The following MYRFL variants were observed in gnomAD, a reference collection of about 807,000 sequenced individuals.
MYRFL encodes myelin regulatory factor like, also known as myelin regulatory factor-like protein.
A neutral mutation model predicts 109.4 loss-of-function variants in MYRFL; 88 were observed. That is an observed-to-expected ratio of 0.80 (90% CI 0.68 to 0.96). The LOEUF is 0.96. MYRFL is among the 40% of genes least tolerant of loss of function. MYRFL has a pLI of 0.00. For synonymous variants in MYRFL, 324 were observed against 320.9 expected, an observed-to-expected ratio of 1.01 and a Z score of -0.10; for missense variants, 957 against 954.9, an observed-to-expected ratio of 1.00 and a Z score of -0.03.
chr12:69,852,579 A>ATTTTTTTTTTTTTTTTTT (rs61145700), intron 1 of MYRFL, among the ~76,000 whole-genome samples: 11 of 112,206 alleles, frequency 9.8e-5, no homozygotes, highest in Non-Finnish European at 1.4e-4. Flanking sequence ...TTAATTTTTA[A>ATTTTTTTTTTTTTTTTTT]TTTTTTTTTT....
Position 69,876,449 on chromosome 12 carries a change from G to A in MYRFL, c.138-2579G>A, listed in dbSNP as rs997144887. ...TCTGTGGGAGGGTCAGATTTGGTAG[G>A]AGTTTAATCATCATATAAGAAGGGG... On this transcript the variant is annotated intron_variant, in intron 2 of 24. Coordinates refer to ENST00000552032, the MANE Select transcript of MYRFL (RefSeq NM_182530.3). Among the ~76,000 whole-genome samples, 3 of 151,762 alleles carry A rather than the reference G, an allele frequency of 2.0e-5. No homozygotes were observed. In the South Asian group the frequency reaches 6.3e-4, roughly 32 times the overall value.
At chr12:69,940,170 G>A (rs1566042376) in intron 19 of MYRFL, among the ~76,000 whole-genome samples, 1 of 152,098 alleles carries the variant, frequency 6.6e-6, no homozygotes, top group Non-Finnish European at 1.5e-5. Flanking sequence ...TAGCAAGGCA[G>A]GCCAACGTTC....
chr12:69,948,977 C>G (rs1955906220), intron 19 of MYRFL, among the ~76,000 whole-genome samples: 1 of 152,140 alleles, frequency 6.6e-6, no homozygotes, highest in Admixed American at 6.5e-5. Context: ...TACTCTTTCC[C>G]TGGCTCTCTT....
Position 69,945,759 on chromosome 12 carries a change from G to A in MYRFL, c.2225-6354G>A, listed in dbSNP as rs911635121. 5.9e-5 allele frequency among the ~76,000 whole-genome samples: 9 copies of A among 151,608 alleles called. No individual in the cohort carries two copies. The East Asian group carries it at 7.8e-4, about 13-fold the overall frequency. The stretch of plus-strand genomic sequence containing the variant: ...TCCCAGCACTTTGGGAGGCCGAGGC[G>A]GGCGGATCACGAGGTCAGGAGATCG... On this transcript the variant is annotated intron_variant, in intron 19 of 24. Coordinates refer to ENST00000552032, the MANE Select transcript of MYRFL (RefSeq NM_182530.3).
intron 19 of MYRFL, among the ~76,000 whole-genome samples, chr12:69,950,829 G>T (rs1013403907): frequency 3.9e-5 from 6 of 152,246 alleles, no homozygotes; most frequent in South Asian, 2.1e-4. Context: ...GGATAAAAAA[G>T]AATCCAGATA....
At chr12:69,912,896 C>T (rs189360401) in intron 13 of MYRFL, among the ~76,000 whole-genome samples, 28 of 152,184 alleles carry the variant, frequency 1.8e-4, no homozygotes, top group African/African-American at 6.5e-4. Context: ...TCCCATGTGA[C>T]GATATCATTT....
intron 12 of MYRFL, 101 bp downstream of exon 12, chr12:69,910,178 A>G (rs996967294): frequency 1.3e-6 from 1 of 753,420 alleles, no homozygotes; most frequent in Non-Finnish European, 2.1e-6. Flanking sequence ...TGACAACGCT[A>G]TGTTGATCTA....
At chr12:69,923,275 A>G (rs61928029) in intron 13 of MYRFL, among the ~76,000 whole-genome samples, 9,368 of 152,270 alleles carry the variant, frequency 0.062, 345 homozygotes, top group Middle Eastern at 0.12. Context: ...CCTCAGACAT[A>G]TCTTACCCCA....
At chr12:69,909,831 G>T in intron 11 of MYRFL, 138 bp from the exon 12 acceptor site, 1 of 667,142 alleles carries the variant, frequency 1.5e-6, no homozygotes, top group South Asian at 2.1e-5. Context: ...GGTAATCCTG[G>T]CTTGGAATCC....
At chr12:69,888,042 C>T (rs1886564570) in intron 6 of MYRFL, among the ~76,000 whole-genome samples, 1 of 152,184 alleles carries the variant, frequency 6.6e-6, no homozygotes, top group Admixed American at 6.5e-5. Context: ...AACTTAACTG[C>T]TTCCCAGGCT....
At chr12:69,843,853 C>T (rs1410219604) in intron 1 of MYRFL, among the ~76,000 whole-genome samples, 5 of 152,278 alleles carry the variant, frequency 3.3e-5, no homozygotes, top group African/African-American at 4.8e-5. Flanking sequence ...AGGAGGCCTA[C>T]GCAGCTTCTC....
intron 7 of MYRFL, 90 bp downstream of exon 7, chr12:69,891,256 C>T: frequency 1.0e-6 from 1 of 989,988 alleles, no homozygotes; most frequent in Non-Finnish European, 1.4e-6. Flanking sequence ...CCCAAAATGA[C>T]TTAAAATAAT....
chr12:69,945,514 G>T (rs1407628885), intron 19 of MYRFL, among the ~76,000 whole-genome samples: 1 of 152,168 alleles, frequency 6.6e-6, no homozygotes, highest in Non-Finnish European at 1.5e-5. Flanking sequence ...TGTGTAGTAG[G>T]CTATACAATC....
At position 69,958,332 on chromosome 12, in the gene MYRFL, GCTTTTT is replaced by G. The variant is rs1350903477; in HGVS notation, c.2646+21_2646+26del. On this transcript the variant is annotated intron_variant, in intron 24 of 24. Coordinates refer to ENST00000552032, the MANE Select transcript of MYRFL (RefSeq NM_182530.3). ...TCCGTGTAGCTGCACCGGTAAGCTT[GCTTTTT>G]CTTTTTCTTTTCAGTGAGAAAGAAA... 1 of 1,534,172 alleles carries G rather than the reference GCTTTTT, an allele frequency of 6.5e-7. No individual in the cohort carries two copies. Among genetic ancestry groups the G allele is most frequent in the Non-Finnish European group, 8.7e-7 (1 of 1,146,310 alleles).
At chr12:69,907,971 G>A (rs956758768) in intron 11 of MYRFL, among the ~76,000 whole-genome samples, 3 of 152,024 alleles carry the variant, frequency 2.0e-5, no homozygotes, top group Admixed American at 6.5e-5. Context: ...CCCTGCTCTG[G>A]CCTTAACCAT....
chr12:69,909,704 C>G lies in MYRFL; in HGVS notation c.1384-265C>G, dbSNP rs557916793. Among the ~76,000 whole-genome samples, 13 of 152,214 alleles carry G rather than the reference C, an allele frequency of 8.5e-5. 1 individual carries two copies. The highest frequency in any genetic ancestry group is 4.2e-4 in the South Asian group (2 of 4,816). On this transcript the variant is annotated intron_variant, in intron 11 of 24. Transcript: ENST00000552032. ...GACCCCGTAGTGACAGTTGGGACAG[C>G]CTTTAATGATGTGAGAGCAGTGATT...
At chr12:69,891,318 T>A (rs1055405725) in intron 7 of MYRFL, among the ~76,000 whole-genome samples, 152 bp downstream of exon 7, 1 of 152,248 alleles carries the variant, frequency 6.6e-6, no homozygotes, top group Non-Finnish European at 1.5e-5. Flanking sequence ...CGTGTGACTA[T>A]GACAACTCAT....
Position 69,936,102 on chromosome 12 carries a change from T to TG in MYRFL, c.1917-11_1917-10insG. 1 of 1,459,960 alleles carries TG rather than the reference T, an allele frequency of 6.8e-7. No homozygotes were observed. Among genetic ancestry groups the TG allele is most frequent in the African/African-American group, 1.5e-5 (1 of 67,694 alleles). 90.4% of individuals were successfully genotyped at this position (1,459,960 alleles called of 1,614,324 possible). On this transcript the variant is annotated splice_polypyrimidine_tract_variant and intron_variant, in intron 16 of 24. Coordinates refer to ENST00000552032, the MANE Select transcript of MYRFL (RefSeq NM_182530.3). ...TGTTTTTTTTTTTTTTTTTTTTTTT[T>TG]TTTTTGACAGTGCTTTGACGATAGT...
At chr12:69,909,846 G>A in intron 11 of MYRFL, 123 bp from the exon 12 acceptor site, 1 of 730,666 alleles carries the variant, frequency 1.4e-6, no homozygotes, top group Non-Finnish European at 2.1e-6. Context: ...GAATCCACTT[G>A]AAGAAATTAT....
Sources: allele counts gnomAD v4.1 joint callset (sites outside exome capture counted in the v4.1 genomes callset), GRCh38; gene constraint gnomAD v4.1.1; transcripts MANE v1.5; gene names NCBI Gene and HGNC (gene_info 2026-07-23, HGNC 2026-07-21).